The following ZBTB25 variants were observed in gnomAD, a reference collection of about 807,000 sequenced individuals.
ZBTB25 encodes zinc finger and BTB domain containing 25, also known as zinc finger and BTB domain-containing protein 25.
A neutral mutation model predicts 34.2 loss-of-function variants in ZBTB25; 20 were observed. That is an observed-to-expected ratio of 0.58 (90% CI 0.41 to 0.85). The LOEUF (loss-of-function observed/expected upper bound fraction) is 0.85, where lower values mean the gene tolerates loss of function less well. ZBTB25 is among the 40% of genes least tolerant of loss of function. ZBTB25 has a pLI of 0.00. For synonymous variants in ZBTB25, 175 were observed against 186.4 expected, an observed-to-expected ratio of 0.94 and a Z score of 0.50; for missense variants, 437 against 521.8, an observed-to-expected ratio of 0.84 and a Z score of 1.58.
intron 2 of ZBTB25, among the ~76,000 whole-genome samples, chr14:64,451,288 C>A (rs1275926083): frequency 1.3e-5 from 2 of 152,122 alleles, no homozygotes; most frequent in African/African-American, 4.8e-5. Flanking sequence ...TCCCAAAGTG[C>A]TGGGATTATA....
chr14:64,490,310 T>G, intron 2 of ZBTB25, 51 bp downstream of exon 2: 1 of 1,384,872 alleles, frequency 7.2e-7, no homozygotes, highest in Non-Finnish European at 9.7e-7. Flanking sequence ...ATAATAAAGC[T>G]TATATAAATC....
chr14:64,460,136 G>A (rs1007346420), intron 2 of ZBTB25: 53 of 556,234 alleles, frequency 9.5e-5, no homozygotes, highest in East Asian at 2.9e-5. Context: ...TTATGATACT[G>A]TTGTGTTTAG....
intron 1 of ZBTB25, among the ~76,000 whole-genome samples, chr14:64,492,999 T>C (rs772320243): frequency 2.0e-5 from 3 of 151,934 alleles, no homozygotes; most frequent in Non-Finnish European, 4.4e-5. Context: ...GGCAACTTGA[T>C]GGGAAACAAG....
In ZBTB25 at chr14:64,449,626, GGTGATTTGCT is replaced by G; in HGVS notation, c.176_185del (p.Gln59ProfsTer6). 6.2e-7 allele frequency: 1 copy of G among 1,613,928 alleles called. No homozygotes were observed. Among genetic ancestry groups the G allele is most frequent in the Non-Finnish European group, 8.5e-7 (1 of 1,179,984 alleles). On this transcript the variant is annotated frameshift_variant and splice_region_variant, in exon 3 of 3. Coordinates refer to the ZBTB25 transcript ENST00000555220. LOFTEE classifies it high-confidence loss of function. Reference sequence around the variant, plus strand: ...CCAGCTCCTTTATGACCTCAAGGTGGGTGATTTGCTGTCTGCAAAAAAAGAAAAAAGACGA... The same window carrying G: ...CCAGCTCCTTTATGACCTCAAGGTGGGTCTGCAAAAAAAGAAAAAAGACGA...
chr14:64,491,467 A>AACAC (rs575656923), intron 1 of ZBTB25, among the ~76,000 whole-genome samples: 3 of 151,570 alleles, frequency 2.0e-5, no homozygotes, highest in African/African-American at 4.8e-5. Flanking sequence ...CTGTCTCAAA[A>AACAC]ACACACACAC....
In ZBTB25 at chr14:64,480,322, C is replaced by CAAAAAA. The variant is rs745930738; in HGVS notation, c.*6595_*6600dup. 264 of 207,038 alleles carry CAAAAAA rather than the reference C, an allele frequency of 1.3e-3. No individual in the cohort carries two copies. The highest frequency in any genetic ancestry group is 2.5e-3 in the Admixed American group (28 of 11,102). The allele number at this position is 207,038 out of a possible 1,614,324, so 12.8% of individuals were successfully genotyped here. On this transcript the variant is annotated 3_prime_UTR_variant, in exon 3 of 3. Coordinates refer to ENST00000608382, the MANE Select transcript of ZBTB25 (RefSeq NM_006977.5). ...TGGGCAACAGAGCAAGACTCCATCT[C>CAAAAAA]AAAAAAAAAAAAAAAAAAAAAAAAG...
chr14:64,489,216 T>TCAGCCTGGGCACCACTGCACTC (rs947814579), intron 2 of ZBTB25, among the ~76,000 whole-genome samples: 3 of 151,908 alleles, frequency 2.0e-5, no homozygotes, highest in African/African-American at 7.3e-5. Context: ...CCACTGCACT[T>TCAGCCTGGGCACCACTGCACTC]CAGCCTGGGC....
chr14:64,490,049 A>C (rs1361170787), intron 2 of ZBTB25, among the ~76,000 whole-genome samples: 1 of 149,998 alleles, frequency 6.7e-6, no homozygotes, highest in African/African-American at 2.5e-5. Flanking sequence ...CTCTACTAAA[A>C]ATACAAAAAT....
At chr14:64,467,427 CAT>C (rs367907906) in intron 2 of ZBTB25, 26 of 152,240 alleles carry the variant, frequency 1.7e-4, no homozygotes, top group African/African-American at 2.2e-4. Context: ...ATGGTGGAAA[CAT>C]GTGATACAGC....
At chr14:64,474,798 C>G (rs1225576817), downstream of ZBTB25, among the ~76,000 whole-genome samples, 2 of 152,220 alleles carry the variant, frequency 1.3e-5, no homozygotes, top group Non-Finnish European at 2.9e-5. Context: ...TTATTTTCTG[C>G]ATTAACCTAT....
intron 2 of ZBTB25, chr14:64,463,331 CTG>C (rs948424550): frequency 6.6e-6 from 1 of 151,984 alleles, no homozygotes; most frequent in Admixed American, 6.6e-5. Flanking sequence ...GTACTATACT[CTG>C]TGTGAGTGAC....
intron 1 of ZBTB25, among the ~76,000 whole-genome samples, chr14:64,496,002 G>C (rs1178712377): frequency 1.3e-5 from 2 of 151,644 alleles, no homozygotes; most frequent in Non-Finnish European, 2.9e-5. Flanking sequence ...TTATCTGCAG[G>C]AAACTGTCCT....
intron 2 of ZBTB25, chr14:64,468,801 C>CA: frequency 1.2e-6 from 2 of 1,614,000 alleles, no homozygotes; most frequent in Non-Finnish European, 1.7e-6. Flanking sequence ...CCAAGAGGGC[C>CA]AAAAAGGAGT....
At chr14:64,494,947 T>C (rs1413670515) in intron 1 of ZBTB25, among the ~76,000 whole-genome samples, 1 of 152,248 alleles carries the variant, frequency 6.6e-6, no homozygotes, top group Non-Finnish European at 1.5e-5. Flanking sequence ...TATTGTATTT[T>C]CAGATGTAAA....
intron 2 of ZBTB25, chr14:64,460,231 A>T (rs753308006): frequency 4.7e-4 from 146 of 313,178 alleles, no homozygotes; most frequent in Middle Eastern, 1.9e-3. Flanking sequence ...GAAGTTGATG[A>T]CTTACCTTTT....
rs927671197 is a variant in ZBTB25 at position 64,469,505 on chromosome 14, G to A, written c.174-19867C>T. 2.5e-6 allele frequency: 4 copies of A among 1,613,510 alleles called. No homozygotes were observed. In the African/African-American group the frequency reaches 5.3e-5, roughly 22 times the overall value. ...CTTAATTTCAGCTGAAAATGAGCAA[G>A]TAGGGGTTTTTGCTAATGATAATGG... On this transcript the variant is annotated intron_variant, in intron 2 of 2. Transcript: ENST00000555220.
chr14:64,496,390 CAGG>C (rs1302026129), intron 1 of ZBTB25, among the ~76,000 whole-genome samples: 4 of 151,960 alleles, frequency 2.6e-5, no homozygotes, highest in Non-Finnish European at 5.9e-5. Flanking sequence ...GAGGCTGAGG[CAGG>C]AGAACTGTTT....
chr14:64,485,417 A>C lies in ZBTB25; in HGVS notation c.*1506T>G. On this transcript the variant is annotated 3_prime_UTR_variant, in exon 3 of 3. Coordinates refer to ENST00000608382, the MANE Select transcript of ZBTB25 (RefSeq NM_006977.5). ...CTTGACTATGCGGGGTTTGAAATTT[A>C]AACATTTCAGAAACAATTTAGATCT... 1.0e-6 allele frequency: 1 copy of C among 985,440 alleles called. No individual in the cohort carries two copies. The highest frequency in any genetic ancestry group is 1.2e-6 in the Non-Finnish European group (1 of 829,910). 61.0% of individuals were successfully genotyped at this position (985,440 alleles called of 1,614,324 possible). A position where few individuals can be genotyped will look rare whatever the true frequency, so the allele number is the denominator to read the frequency against.
chr14:64,464,070 G>A (rs951170005), intron 2 of ZBTB25, among the ~76,000 whole-genome samples: 2 of 149,594 alleles, frequency 1.3e-5, no homozygotes, highest in Non-Finnish European at 3.0e-5. Context: ...GTCTCACTTT[G>A]TTGCCCAGGC....
Sources: allele counts gnomAD v4.1 joint callset (sites outside exome capture counted in the v4.1 genomes callset), GRCh38; gene constraint gnomAD v4.1.1; transcripts MANE v1.5; gene names NCBI Gene and HGNC (gene_info 2026-07-23, HGNC 2026-07-21).